PARP16: variants seen among roughly 807,000 people sequenced by gnomAD.
PARP16 encodes poly(ADP-ribose) polymerase family member 16.
A neutral mutation model predicts 35.0 loss-of-function variants in PARP16; 31 were observed. The observed-to-expected ratio is 0.88, with a 90% confidence interval of 0.66 to 1.19. The LOEUF (loss-of-function observed/expected upper bound fraction) is 1.19. PARP16 is among the 50% of genes most tolerant of loss of function. The pLI, the probability that PARP16 is intolerant of heterozygous loss-of-function variation, is 0.00. For missense variants in PARP16, 424 were observed against 411.2 expected (o/e 1.03, Z -0.27); for synonymous variants, 162 against 169.5 (o/e 0.96, Z 0.34).
chr15:65,242,289 A>G (rs200622692), intron 3 of PARP16, among the ~76,000 whole-genome samples: 1 of 152,276 alleles, frequency 6.6e-6, no homozygotes, highest in East Asian at 1.9e-4. Context: ...TGTAGTCTTG[A>G]AATCAGGTAG....
chr15:65,261,453 G>GTTT (rs997582229), intron 4 of PARP16, among the ~76,000 whole-genome samples: 1 of 141,090 alleles, frequency 7.1e-6, no homozygotes, highest in African/African-American at 2.6e-5. Flanking sequence ...TACATGTTTT[G>GTTT]TTTTTTTTTT....
intron 1 of PARP16, among the ~76,000 whole-genome samples, chr15:65,276,227 G>A (rs1470571560): frequency 6.6e-6 from 1 of 152,176 alleles, no homozygotes; most frequent in Admixed American, 6.5e-5. Context: ...CAATTTAATA[G>A]GATTCTTCCT....
At chr15:65,279,307 T>C (rs1310724810) in intron 1 of PARP16, among the ~76,000 whole-genome samples, 3 of 152,166 alleles carry the variant, frequency 2.0e-5, no homozygotes, top group African/African-American at 7.2e-5. Flanking sequence ...ATTAGTGTGG[T>C]ACAGGTGTTG....
rs763105629 is a variant in PARP16 at position 65,260,928 on chromosome 15, G to T, written c.790C>A (p.Arg264=). 1.2e-5 allele frequency: 20 copies of T among 1,613,892 alleles called. No homozygotes were observed. In the South Asian group the frequency reaches 1.8e-4, roughly 14 times the overall value. The change falls in exon 5 of 6, where the codon CGA becomes AGA. Residue 264 remains arginine (R), a synonymous_variant. Coordinates refer to ENST00000649807, the MANE Select transcript of PARP16 (RefSeq NM_001316943.2). Reference sequence around the variant, plus strand: ...GAATACACCAGGAGGTACTTCACTCGCAGCAGCTGGTTATTGGTGACCACG... The same window carrying T: ...GAATACACCAGGAGGTACTTCACTCTCAGCAGCTGGTTATTGGTGACCACG... ...YFVVTNNQLL[R]VKYLLVYSQK...
At chr15:65,233,815 A>C (rs1861089455), downstream of PARP16, among the ~76,000 whole-genome samples, 1 of 152,294 alleles carries the variant, frequency 6.6e-6, no homozygotes, top group African/African-American at 2.4e-5. Context: ...AAAATGTCCA[A>C]AAGGCAAAAG....
At chr15:65,239,658 TC>T (rs1329495401) in intron 3 of PARP16, among the ~76,000 whole-genome samples, 27 of 96,108 alleles carry the variant, frequency 2.8e-4, no homozygotes, top group Non-Finnish European at 5.2e-4. Context: ...TGTAATTTTT[TC>T]TTTTTTTTTT....
At chr15:65,238,152 G>A (rs1420457954) in intron 3 of PARP16, among the ~76,000 whole-genome samples, 2 of 152,076 alleles carry the variant, frequency 1.3e-5, no homozygotes, top group East Asian at 1.9e-4. Flanking sequence ...TCAGGGCATG[G>A]TGGGGCCTGT....
rs1316001618 is a variant in PARP16, at chr15:65,259,542, C to T, written c.834G>A (p.Arg278=). ...AAAACCAGGAGAGCTGGCTCGAAGCCCTGCTTAAGAGGGAAAAAAGAGTGG... is the reference window on the plus strand; with the variant it reads ...AAAACCAGGAGAGCTGGCTCGAAGCTCTGCTTAAGAGGGAAAAAAGAGTGG... The part of the protein sequence containing the change: ...LLVYSQKPPK[R]ASSQLSWFSS... Residue 278 remains arginine, a splice_region_variant and synonymous_variant, in exon 6 of 6, where the codon AGG becomes AGA. Transcript: ENST00000649807. 6.2e-7 allele frequency: 1 copy of T among 1,613,812 alleles called. No individual in the cohort carries two copies. Among genetic ancestry groups the T allele is most frequent in the East Asian group, 2.2e-5 (1 of 44,874 alleles).
At chr15:65,235,861 GTT>G (rs752611247) in intron 3 of PARP16, among the ~76,000 whole-genome samples, 6 of 121,976 alleles carry the variant, frequency 4.9e-5, no homozygotes, top group Admixed American at 1.7e-4. Flanking sequence ...TGCAGATATG[GTT>G]TTTTTTTTTT....
chr15:65,280,341 G>A (rs946606011), intron 1 of PARP16, among the ~76,000 whole-genome samples: 5 of 151,154 alleles, frequency 3.3e-5, no homozygotes, highest in African/African-American at 4.9e-5. Context: ...GGAGGCTGAC[G>A]TAGGAGGATC....
chr15:65,253,577 G>C (rs999703864), downstream of PARP16, among the ~76,000 whole-genome samples: 2 of 151,932 alleles, frequency 1.3e-5, no homozygotes, highest in Admixed American at 6.6e-5. Context: ...TGATCCGCCC[G>C]CCTCGGCCTC....
At chr15:65,283,708 T>G (rs1172954509) in intron 1 of PARP16, among the ~76,000 whole-genome samples, 2 of 152,176 alleles carry the variant, frequency 1.3e-5, no homozygotes, top group Non-Finnish European at 2.9e-5. Context: ...GCTTCCATGT[T>G]GTACGGCGCT....
intron 3 of PARP16, among the ~76,000 whole-genome samples, chr15:65,241,525 TC>T (rs753508160): frequency 3.0e-4 from 46 of 152,318 alleles, no homozygotes; most frequent in Middle Eastern, 6.8e-3. Flanking sequence ...CTTCATATGG[TC>T]AGTCTTTTAA....
intron 2 of PARP16, among the ~76,000 whole-genome samples, chr15:65,268,766 T>G (rs1264202600): frequency 1.3e-5 from 2 of 152,072 alleles, no homozygotes; most frequent in Non-Finnish European, 2.9e-5. Context: ...TTTTTTCTTT[T>G]TTTTTTGAGA....
chr15:65,268,419 C>A (rs1475366915), intron 2 of PARP16, among the ~76,000 whole-genome samples: 1 of 152,202 alleles, frequency 6.6e-6, no homozygotes, highest in Non-Finnish European at 1.5e-5. Flanking sequence ...AACCAACCCA[C>A]AAAATCATGA....
chr15:65,241,038 G>A (rs1481078427), intron 3 of PARP16, among the ~76,000 whole-genome samples: 1 of 151,788 alleles, frequency 6.6e-6, no homozygotes, highest in Non-Finnish European at 1.5e-5. Flanking sequence ...GTTTTGCCAT[G>A]TTGGCCAGGC....
intron 5 of PARP16, 100 bp from the exon 6 acceptor site, chr15:65,259,642 T>A: frequency 1.8e-6 from 2 of 1,133,458 alleles, no homozygotes; most frequent in South Asian, 1.5e-5. Context: ...AAATGATGAA[T>A]TTCATCCTTT....
chr15:65,246,477 G>T (rs1173638853), intron 3 of PARP16, among the ~76,000 whole-genome samples: 4 of 152,216 alleles, frequency 2.6e-5, no homozygotes, highest in African/African-American at 9.6e-5. Context: ...AATCATGGGA[G>T]GCAGACGCCC....
chr15:65,243,294 C>T (rs768663405), intron 3 of PARP16, among the ~76,000 whole-genome samples: 4 of 152,052 alleles, frequency 2.6e-5, no homozygotes, highest in Non-Finnish European at 5.9e-5. Flanking sequence ...CTCTGTTGCC[C>T]AGGCTGGAGT....
Sources: gnomAD v4.1 joint callset for allele counts (sites outside exome capture counted in the v4.1 genomes callset) on GRCh38, gnomAD v4.1.1 for gene constraint, MANE v1.5 for transcripts, NCBI Gene and HGNC (gene_info 2026-07-23, HGNC 2026-07-21) for gene names.